Variants in CCDC57 observed in about 807,000 individuals in gnomAD.
The protein encoded by CCDC57 is coiled-coil domain containing 57, also known as coiled-coil domain-containing protein 57.
CCDC57 carries 118 observed loss-of-function variants against 118.9 expected under a neutral mutation model. The ratio of observed to expected loss-of-function variants is 0.99; its 90% CI spans 0.86 to 1.16. The LOEUF is 1.16. CCDC57 is among the 50% of genes most tolerant of loss of function. The pLI is 0.00. For missense variants in CCDC57, 1,300 were observed against 1,320.7 expected (o/e 0.98, Z 0.24); for synonymous variants, 527 against 532.9 (o/e 0.99, Z 0.15).
intron 16 of CCDC57, among the ~76,000 whole-genome samples, chr17:82,140,654 A>C (rs1410587578): frequency 6.6e-6 from 1 of 152,212 alleles, no homozygotes; most frequent in Non-Finnish European, 1.5e-5. Context: ...TGGAATTGGA[A>C]ATACTTCTTG....
chr17:82,142,079 A>G (rs544929537), intron 16 of CCDC57, among the ~76,000 whole-genome samples: 7 of 152,344 alleles, frequency 4.6e-5, no homozygotes, highest in Admixed American at 3.9e-4. Flanking sequence ...TGGTTACAGC[A>G]TCTGTCCAGT....
intron 19 of CCDC57, among the ~76,000 whole-genome samples, chr17:82,108,201 T>G (rs1011423717): frequency 6.6e-6 from 1 of 152,276 alleles, no homozygotes; most frequent in South Asian, 2.1e-4. Flanking sequence ...CAGAGACGAG[T>G]GACCTGCGGC....
Position 82,101,719 on chromosome 17 carries a change from C to T in CCDC57, c.3047G>A (p.Arg1016Lys), listed in dbSNP as rs753395802. 4.0e-5 allele frequency: 64 copies of T among 1,607,718 alleles called. No individual in the cohort carries two copies. The highest frequency in any genetic ancestry group is 5.3e-5 in the Non-Finnish European group (62 of 1,177,818). Residue 1016 changes from arginine (R) to lysine (K), a missense_variant, in exon 20 of 20, where the codon AGG becomes AAG. Physicochemically the swap from Arg to Lys is conservative, Grantham distance 26 (BLOSUM62 2). Transcript: ENST00000665763. ...GTTGTAGTTACGGATCTTGGGGGGC[C>T]TCTGGCAGCCTTTAGCTTTTGCAGG...
At chr17:82,169,190 A>G (rs908002769) in intron 13 of CCDC57, among the ~76,000 whole-genome samples, 4 of 152,096 alleles carry the variant, frequency 2.6e-5, no homozygotes, top group Non-Finnish European at 5.9e-5. Context: ...GTAGTGGTGC[A>G]ATCTCGGCTC....
chr17:82,168,010 T>C (rs1010680462), intron 13 of CCDC57, among the ~76,000 whole-genome samples: 1 of 152,256 alleles, frequency 6.6e-6, no homozygotes, highest in Non-Finnish European at 1.5e-5. Flanking sequence ...CCTAGTTTCC[T>C]TCCTTCTGTT....
intron 8 of CCDC57, 89 bp from the exon 8 acceptor site, chr17:82,184,021 G>T: frequency 3.2e-6 from 1 of 313,232 alleles, no homozygotes; most frequent in Non-Finnish European, 5.6e-6. Flanking sequence ...ACACATGCGC[G>T]CGCGCGCGCG....
chr17:82,183,624 A>T, intron 9 of CCDC57, 150 bp downstream of exon 8: 1 of 775,268 alleles, frequency 1.3e-6, no homozygotes, highest in Non-Finnish European at 2.0e-6. Flanking sequence ...CTGCGTGACC[A>T]GACATTCTAT....
intron 19 of CCDC57, among the ~76,000 whole-genome samples, chr17:82,103,713 G>T (rs1486235368): frequency 6.6e-6 from 1 of 152,208 alleles, no homozygotes; most frequent in Non-Finnish European, 1.5e-5. Context: ...AGCTGAGGGA[G>T]GGGGGTGAAG....
Position 82,143,576 on chromosome 17 carries a change from C to T in CCDC57, c.2455+7984G>A, listed in dbSNP as rs116601637. Among the ~76,000 whole-genome samples the T allele has an allele frequency of 1.9e-3, 294 of 152,146 alleles. 1 individual carries two copies. The highest frequency in any genetic ancestry group is 6.7e-3 in the African/African-American group (278 of 41,520). Reference sequence around the variant, plus strand: ...GTCAGGGAGCACGTCTGACATGCCCCGTAAGATCTCCAGAAGAGATTAGAC... The same window carrying T: ...GTCAGGGAGCACGTCTGACATGCCCTGTAAGATCTCCAGAAGAGATTAGAC... On this transcript the variant is annotated intron_variant, in intron 16 of 19. Coordinates refer to ENST00000665763, the Ensembl canonical transcript of CCDC57.
chr17:82,196,846 C>A (rs1411429230), intron 4 of CCDC57, among the ~76,000 whole-genome samples: 3 of 150,894 alleles, frequency 2.0e-5, no homozygotes, highest in African/African-American at 7.4e-5. Context: ...AGAGACGCAG[C>A]CCCTCGTGAC....
chr17:82,149,215 GGAT>G (rs1372399656), intron 16 of CCDC57, among the ~76,000 whole-genome samples: 28 of 144,402 alleles, frequency 1.9e-4, no homozygotes, highest in African/African-American at 6.9e-4. Flanking sequence ...GTGGATGAAT[GGAT>G]GGGTGGGTGG....
chr17:82,207,257 T>A (rs2049773341), intron 2 of CCDC57, among the ~76,000 whole-genome samples: 1 of 151,836 alleles, frequency 6.6e-6, no homozygotes, highest in Non-Finnish European at 1.5e-5. Flanking sequence ...CGCTTGAGCT[T>A]ACGACGTTGA....
At chr17:82,184,025 G>GCTCACACACA in intron 8 of CCDC57, 93 bp from the exon 8 acceptor site, 3 of 387,902 alleles carry the variant, frequency 7.7e-6, no homozygotes, top group East Asian at 5.0e-5. Flanking sequence ...ATGCGCGCGC[G>GCTCACACACA]CGCGCGCACA....
At chr17:82,107,837 A>G (rs376632244) in intron 19 of CCDC57, among the ~76,000 whole-genome samples, 1 of 152,140 alleles carries the variant, frequency 6.6e-6, no homozygotes. Context: ...TCAGCATCCT[A>G]CAGTGCCATC....
At chr17:82,138,462 T>C (rs552524332) in intron 16 of CCDC57, among the ~76,000 whole-genome samples, 20 of 152,036 alleles carry the variant, frequency 1.3e-4, no homozygotes, top group African/African-American at 4.8e-4. Flanking sequence ...CGGGAGGATC[T>C]CTTGAGCCAA....
intron 2 of CCDC57, among the ~76,000 whole-genome samples, chr17:82,203,965 A>T (rs1446365992): frequency 1.3e-5 from 2 of 152,204 alleles, no homozygotes; most frequent in Non-Finnish European, 2.9e-5. Flanking sequence ...GGGCACAGCC[A>T]GGCTGAGCAC....
chr17:82,164,391 AAAAC>A (rs569548560), intron 13 of CCDC57, among the ~76,000 whole-genome samples: 19 of 152,292 alleles, frequency 1.2e-4, no homozygotes, highest in Non-Finnish European at 2.5e-4. Context: ...AAAAAAAACA[AAAAC>A]AAACAAACAA....
intron 19 of CCDC57, among the ~76,000 whole-genome samples, chr17:82,110,871 A>G (rs1024392140): frequency 1.3e-5 from 2 of 152,046 alleles, no homozygotes; most frequent in African/African-American, 4.8e-5. Context: ...TTAATAATAC[A>G]AACATTATCT....
At chr17:82,111,073 G>A (rs2035209499) in intron 19 of CCDC57, among the ~76,000 whole-genome samples, 1 of 151,948 alleles carries the variant, frequency 6.6e-6, no homozygotes, top group Non-Finnish European at 1.5e-5. Flanking sequence ...CAGAATCAAA[G>A]ACAGACTTTG....
Sources: allele counts gnomAD v4.1 joint callset (sites outside exome capture counted in the v4.1 genomes callset), GRCh38; gene constraint gnomAD v4.1.1; transcripts MANE v1.5; gene names NCBI Gene and HGNC (gene_info 2026-07-23, HGNC 2026-07-21).